The following DOCK5 variants were observed in gnomAD, a reference collection of about 807,000 sequenced individuals.
The protein encoded by DOCK5 is dedicator of cytokinesis protein 5.
DOCK5 carries 142 observed loss-of-function variants against 251.8 expected under a neutral mutation model. The observed-to-expected ratio is 0.56, with a 90% CI of 0.49 to 0.65. The LOEUF is 0.65. Ranked by LOEUF, DOCK5 falls within the 30% of genes least tolerant of loss-of-function variation. The pLI, the probability that DOCK5 is intolerant of heterozygous loss-of-function variation, is 0.00. For synonymous variants in DOCK5, 842 were observed against 835.5 expected (o/e 1.01, Z -0.13); for missense variants, 2,111 against 2,312.3 (o/e 0.91, Z 1.79).
chr8:25,220,775 T>A (rs1290076852), intron 1 of DOCK5, among the ~76,000 whole-genome samples: 1 of 152,152 alleles, frequency 6.6e-6, no homozygotes, highest in African/African-American at 2.4e-5. Flanking sequence ...TGGCTAATTT[T>A]TGTATTTTTG....
intron 2 of DOCK5, among the ~76,000 whole-genome samples, chr8:25,267,915 T>C (rs2117597274): frequency 6.6e-6 from 1 of 151,474 alleles, no homozygotes. Flanking sequence ...TAGGCTGGAG[T>C]GCAGTGGTAT....
At chr8:25,370,604 A>G (rs1346538523) in intron 34 of DOCK5, among the ~76,000 whole-genome samples, 1 of 152,026 alleles carries the variant, frequency 6.6e-6, no homozygotes, top group Non-Finnish European at 1.5e-5. Context: ...TCCTGGGCTC[A>G]AGCAGTCCTC....
rs1800768151 is a variant in DOCK5, at chr8:25,366,000, G to A, written c.3124-870G>A. ...CAGTTCTTTGGTACTCTGTTAATCT[G>A]TTTTCCTTTTTCAATGATCTGTGAT... On this transcript the variant is annotated intron_variant, in intron 30 of 51. Coordinates refer to ENST00000276440, the MANE Select transcript of DOCK5 (RefSeq NM_024940.8). Among the ~76,000 whole-genome samples the A allele has an allele frequency of 2.0e-5, 3 of 152,104 alleles. No homozygotes were observed. In the South Asian group the frequency reaches 6.2e-4, roughly 32 times the overall value.
At chr8:25,192,052 A>G (rs920001160) in intron 1 of DOCK5, among the ~76,000 whole-genome samples, 1 of 151,908 alleles carries the variant, frequency 6.6e-6, no homozygotes. Context: ...TTTGCTGAGA[A>G]TGATGGTTTC....
intron 40 of DOCK5, among the ~76,000 whole-genome samples, chr8:25,385,306 A>T (rs1277891713): frequency 6.6e-6 from 1 of 152,164 alleles, no homozygotes; most frequent in Non-Finnish European, 1.5e-5. Flanking sequence ...CAGGTAAACC[A>T]CTAAGAGACC....
Position 25,296,152 on chromosome 8 carries a change from T to A in DOCK5, c.471-361T>A, listed in dbSNP as rs1179083950. 3.3e-5 allele frequency among the ~76,000 whole-genome samples: 5 copies of A among 152,282 alleles called. No homozygotes were observed. In the South Asian group the frequency reaches 8.3e-4, roughly 25 times the overall value. ...TGTTTATTAAACACAGGTTGAATCT[T>A]AATTTTGTTTGCTCTATTTACTTCA... On this transcript the variant is annotated intron_variant, in intron 6 of 51. Transcript: ENST00000276440.
intron 26 of DOCK5, among the ~76,000 whole-genome samples, chr8:25,347,998 A>G (rs1307713926): frequency 6.6e-6 from 1 of 152,214 alleles, no homozygotes; most frequent in Admixed American, 6.5e-5. Flanking sequence ...GTTCCCTGTA[A>G]TGAGCAGAGA....
chr8:25,225,207 A>C (rs371313390), intron 1 of DOCK5, among the ~76,000 whole-genome samples: 27 of 152,336 alleles, frequency 1.8e-4, no homozygotes, highest in African/African-American at 6.5e-4. Flanking sequence ...CCAAAAATTA[A>C]AGATAGAATT....
chr8:25,361,166 T>C (rs1042654760), intron 28 of DOCK5, among the ~76,000 whole-genome samples: 2 of 152,202 alleles, frequency 1.3e-5, no homozygotes, highest in Admixed American at 1.3e-4. Context: ...GCCGTCTCAT[T>C]AATTTAGATT....
intron 26 of DOCK5, among the ~76,000 whole-genome samples, chr8:25,351,158 C>T (rs1043142865): frequency 2.6e-5 from 4 of 151,976 alleles, no homozygotes; most frequent in Non-Finnish European, 4.4e-5. Context: ...CCTGGGTTCC[C>T]GCCATTCTCC....
At chr8:25,190,660 A>G (rs1801556380) in intron 1 of DOCK5, among the ~76,000 whole-genome samples, 2 of 152,118 alleles carry the variant, frequency 1.3e-5, no homozygotes, top group Non-Finnish European at 2.9e-5. Flanking sequence ...AATTAGTTAC[A>G]GTGCCATCTG....
chr8:25,390,240 C>A lies in DOCK5; in HGVS notation c.4308C>A (p.Ser1436Arg). 25 of 1,595,076 alleles carry A rather than the reference C, an allele frequency of 1.6e-5. No individual in the cohort carries two copies. The highest frequency in any genetic ancestry group is 2.1e-5 in the Non-Finnish European group (25 of 1,170,418). ...MQCFTVKPVM[S>R]LPPSYKDKPV... is the part of the protein sequence containing the mutation. The stretch of plus-strand genomic sequence containing the variant: ...GCTTCACTGTAAAGCCAGTGATGAG[C>A]TTGCCGCCCAGCTACAAGGATAAAC... Residue 1436 changes from serine (S) to arginine (R), a missense_variant, in exon 42 of 52, where the codon AGC becomes AGA. Physicochemically the swap from Ser to Arg is moderately radical, Grantham distance 110 (BLOSUM62 -1). This residue lies in a region of DOCK5 where 1,717 missense variants were observed against 1,892.4 expected (regional missense o/e 0.91). Coordinates refer to ENST00000276440, the MANE Select transcript of DOCK5 (RefSeq NM_024940.8).
In DOCK5 at chr8:25,308,959, G is replaced by T. The variant is rs754835803; in HGVS notation, c.1192+34G>T. The T allele has an allele frequency of 6.6e-6, 10 of 1,523,762 alleles. No individual in the cohort carries two copies. The East Asian group carries it at 2.3e-4, about 34-fold the overall frequency. 94.4% of individuals were successfully genotyped at this position (1,523,762 alleles called of 1,614,324 possible). ...CAGTGCCAGAGCTGGGAGGGACTCT[G>T]CTGAGGGTGGGGGACATTCACAGCT... On this transcript the variant is annotated intron_variant, in intron 12 of 51. Coordinates refer to ENST00000276440, the MANE Select transcript of DOCK5 (RefSeq NM_024940.8).
At chr8:25,256,403 C>G (rs945547590) in intron 2 of DOCK5, among the ~76,000 whole-genome samples, 8 of 152,246 alleles carry the variant, frequency 5.3e-5, no homozygotes, top group Admixed American at 3.9e-4. Flanking sequence ...CTTTGGGAGG[C>G]TGAGGCGGGT....
chr8:25,227,429 T>C (rs11987263), intron 1 of DOCK5, among the ~76,000 whole-genome samples: 12,947 of 152,118 alleles, frequency 0.085, 1,477 homozygotes, highest in African/African-American at 0.27. Flanking sequence ...TCATTTGTCC[T>C]GCTAAATTAA....
intron 14 of DOCK5, among the ~76,000 whole-genome samples, chr8:25,318,516 C>T (rs1371155699): frequency 3.6e-5 from 5 of 139,168 alleles, no homozygotes; most frequent in African/African-American, 1.3e-4. Context: ...CCCCACTTCC[C>T]CTCCCCTCCC....
chr8:25,375,246 G>T, intron 37 of DOCK5: 1 of 166,180 alleles, frequency 6.0e-6, no homozygotes, highest in Admixed American at 5.8e-5. Context: ...TTGTTACCAT[G>T]TTACTAATAA....
Position 25,304,136 on chromosome 8 carries a change from C to G in DOCK5, c.977-119C>G, listed in dbSNP as rs770232746. 15 of 821,438 alleles carry G rather than the reference C, an allele frequency of 1.8e-5. 1 individual carries two copies. The highest frequency in any genetic ancestry group is 3.3e-4 in the Middle Eastern group (1 of 3,016). The allele number at this position is 821,438 out of a possible 1,614,324, so 50.9% of individuals were successfully genotyped here. On this transcript the variant is annotated intron_variant, in intron 10 of 51. Transcript: ENST00000276440. ...ATTGGCAAAGAAATTTTAAAAAAGT[C>G]CCTGCTTAGTACCTTTCTTCCTGCA...
intron 5 of DOCK5, among the ~76,000 whole-genome samples, chr8:25,287,685 G>A (rs1219782645): frequency 6.6e-6 from 1 of 152,092 alleles, no homozygotes; most frequent in Non-Finnish European, 1.5e-5. Context: ...GTGCTCTTTT[G>A]TGGAGAGGGT....
Sources: gnomAD v4.1 joint callset for allele counts (sites outside exome capture counted in the v4.1 genomes callset) on GRCh38, gnomAD v4.1.1 for gene constraint, gnomAD v4.1.1 regional missense constraint, MANE v1.5 for transcripts, NCBI Gene and HGNC (gene_info 2026-07-23, HGNC 2026-07-21) for gene names.